Variants in IL18RAP observed in about 807,000 individuals in gnomAD.
The protein encoded by IL18RAP is interleukin 18 receptor accessory protein.
Under a neutral mutation model 58.1 loss-of-function variants are expected in IL18RAP, and 37 were observed. The observed-to-expected ratio is 0.64, with a 90% confidence interval of 0.49 to 0.84. The LOEUF is 0.84. IL18RAP is among the 40% of genes least tolerant of loss of function. IL18RAP has a pLI of 0.00. For missense variants in IL18RAP, 667 were observed against 704.8 expected, an observed-to-expected ratio of 0.95 and a Z score of 0.61; for synonymous variants, 268 against 257.5, an observed-to-expected ratio of 1.04 and a Z score of -0.39.
At chr2:102,449,787 G>A (rs1360895836) in intron 8 of IL18RAP, among the ~76,000 whole-genome samples, 1 of 152,114 alleles carries the variant, frequency 6.6e-6, no homozygotes, top group East Asian at 1.9e-4. Flanking sequence ...GGAAGGAATA[G>A]AGGCAACTGT....
chr2:102,430,243 T>A (rs1166865102), intron 3 of IL18RAP, among the ~76,000 whole-genome samples: 1 of 152,094 alleles, frequency 6.6e-6, no homozygotes, highest in Non-Finnish European at 1.5e-5. Flanking sequence ...GCTCTAATGT[T>A]GGGTGCCTAT....
intron 7 of IL18RAP, among the ~76,000 whole-genome samples, chr2:102,446,041 A>G (rs1181697381): frequency 6.6e-6 from 1 of 152,230 alleles, no homozygotes; most frequent in Non-Finnish European, 1.5e-5. Flanking sequence ...GGGAGTATGC[A>G]GGAGATCCCT....
chr2:102,433,718 G>A (rs1465617141), intron 3 of IL18RAP, among the ~76,000 whole-genome samples: 1 of 151,762 alleles, frequency 6.6e-6, no homozygotes, highest in Non-Finnish European at 1.5e-5. Flanking sequence ...GCTAATTTTT[G>A]TATTTTTAGC....
chr2:102,430,053 T>G (rs756623939), intron 3 of IL18RAP, among the ~76,000 whole-genome samples: 5 of 152,008 alleles, frequency 3.3e-5, no homozygotes, highest in Non-Finnish European at 7.4e-5. Context: ...TTGGATAGAA[T>G]GTTCTGTATA....
rs767642642 is a variant in IL18RAP, at chr2:102,441,395, G to A, written c.796+18G>A. On this transcript the variant is annotated intron_variant, in intron 5 of 9. Coordinates refer to ENST00000687160, the MANE Select transcript of IL18RAP (RefSeq NM_001393487.1). ...AGAACTTGGTAAGCTGGGCCTCATC[G>A]CCTTTGAATGACATCGTGCTGCTGG... The A allele has an allele frequency of 2.2e-5, 35 of 1,599,014 alleles. No individual in the cohort carries two copies. Among genetic ancestry groups the A allele is most frequent in the African/African-American group, 4.0e-5 (3 of 74,568 alleles).
intron 3 of IL18RAP, 104 bp from the exon 4 acceptor site, chr2:102,437,108 A>G: frequency 9.8e-7 from 1 of 1,018,540 alleles, no homozygotes. Flanking sequence ...TCTCAGATTG[A>G]CCTTCTTCCT....
chr2:102,424,098 A>G lies in IL18RAP; in HGVS notation c.358A>G (p.Asn120Asp). 1 of 1,613,592 alleles carries G rather than the reference A, an allele frequency of 6.2e-7. No individual in the cohort carries two copies. Residue 120 changes from asparagine to aspartate, a missense_variant, in exon 2 of 10, where the codon AAT (asparagine) becomes GAT (aspartate). Asn to Asp is a conservative substitution (Grantham distance 23, BLOSUM62 1). Coordinates refer to ENST00000687160, the MANE Select transcript of IL18RAP (RefSeq NM_001393487.1). ...TCACTTTTTGACCCCAGGGGTGAAT[A>G]ATTCTGGGTCATATATTTGTAGACC... ...TLHFLTPGVNNSGSYICRPKM... is the reference protein window; with the variant it reads ...TLHFLTPGVNDSGSYICRPKM...
intron 3 of IL18RAP, among the ~76,000 whole-genome samples, chr2:102,430,260 A>G (rs1682247537): frequency 6.6e-6 from 1 of 152,074 alleles, no homozygotes; most frequent in Non-Finnish European, 1.5e-5. Flanking sequence ...CTATGTATCT[A>G]CAATTGTTAT....
In IL18RAP at chr2:102,452,188, C is replaced by A. The variant is rs566831881; in HGVS notation, c.*7C>A. 2.3e-5 allele frequency: 36 copies of A among 1,586,330 alleles called. No individual in the cohort carries two copies. Among genetic ancestry groups the A allele is most frequent in the Non-Finnish European group, 2.9e-5 (34 of 1,167,334 alleles). ...CCAGCCTAAGGAATGGTGAAATGAG[C>A]CCTGGAGCCCCCTCCAGTCCAGTCC... On this transcript the variant is annotated 3_prime_UTR_variant, in exon 10 of 10. Transcript: ENST00000687160.
At chr2:102,433,991 T>C (rs1467105221) in intron 3 of IL18RAP, 3 of 152,232 alleles carry the variant, frequency 2.0e-5, no homozygotes, top group Non-Finnish European at 2.9e-5. Flanking sequence ...TGTTTCTAAA[T>C]AGAGAATAAG....
At chr2:102,419,284 C>A (rs1681427295), upstream of IL18RAP, among the ~76,000 whole-genome samples, 1 of 152,182 alleles carries the variant, frequency 6.6e-6, no homozygotes, top group Non-Finnish European at 1.5e-5. Context: ...GCTTCATTTT[C>A]TGTTATCCCT....
At position 102,445,344 on chromosome 2, in the gene IL18RAP, A is replaced by C. The variant is rs992366518; in HGVS notation, c.1072+4A>C. Reference sequence around the variant, plus strand: ...CAACTGAAAGAAAAGAGAGGAGGTAAGCCCAGAAGGTTGCCCAGGAGGCAT... The same window carrying C: ...CAACTGAAAGAAAAGAGAGGAGGTACGCCCAGAAGGTTGCCCAGGAGGCAT... On this transcript the variant is annotated splice_donor_region_variant and intron_variant, in intron 7 of 9. Coordinates refer to ENST00000687160, the MANE Select transcript of IL18RAP (RefSeq NM_001393487.1). The C allele has an allele frequency of 1.9e-6, 3 of 1,613,814 alleles. No individual in the cohort carries two copies. The African/African-American group carries it at 4.0e-5, about 22-fold the overall frequency.
upstream of IL18RAP, among the ~76,000 whole-genome samples, chr2:102,420,135 A>G (rs1681478934): frequency 6.6e-6 from 1 of 152,198 alleles, no homozygotes; most frequent in Non-Finnish European, 1.5e-5. Context: ...TCCCACATAA[A>G]TGAGACTTCC....
At chr2:102,450,819 A>C (rs1435411427) in intron 8 of IL18RAP, 29 bp from the exon 9 acceptor site, 10 of 1,465,700 alleles carry the variant, frequency 6.8e-6, no homozygotes, top group Non-Finnish European at 9.3e-6. Flanking sequence ...TAAATGACTT[A>C]TGTTTTTATA....
Position 102,424,360 on chromosome 2 carries a change from C to T in IL18RAP, c.525C>T (p.Cys175=). 1.2e-6 allele frequency: 2 copies of T among 1,614,012 alleles called. No homozygotes were observed. Among genetic ancestry groups the T allele is most frequent in the Non-Finnish European group, 1.7e-6 (2 of 1,179,932 alleles). ...TTGGGAGCACTGGCTCTATTTCTTGCCCCAGTCTCAGCTGCCAAAGTGATG... is the reference window on the plus strand; with the variant it reads ...TTGGGAGCACTGGCTCTATTTCTTGTCCCAGTCTCAGCTGCCAAAGTGATG... ...LLLGSTGSIS[C]PSLSCQSDAQ... Residue 175 remains cysteine (C), a synonymous_variant, in exon 3 of 10, where the codon TGC becomes TGT. Transcript: ENST00000687160.
chr2:102,421,229 C>T (rs1681556507), upstream of IL18RAP, among the ~76,000 whole-genome samples: 1 of 152,024 alleles, frequency 6.6e-6, no homozygotes, highest in African/African-American at 2.4e-5. Context: ...TGTGCTAAGA[C>T]AAAAGTCATT....
rs761746444 is a variant in IL18RAP at position 102,441,394 on chromosome 2, C to T, written c.796+17C>T. The T allele has an allele frequency of 1.7e-5, 27 of 1,604,096 alleles. No homozygotes were observed. Among genetic ancestry groups the T allele is most frequent in the Admixed American group, 5.0e-5 (3 of 59,934 alleles). On this transcript the variant is annotated intron_variant, in intron 5 of 9. Coordinates refer to ENST00000687160, the MANE Select transcript of IL18RAP (RefSeq NM_001393487.1). ...TAGAACTTGGTAAGCTGGGCCTCAT[C>T]GCCTTTGAATGACATCGTGCTGCTG...
Position 102,445,329 on chromosome 2 carries a change from A to G in IL18RAP, c.1061A>G (p.Glu354Gly), listed in dbSNP as rs938024108. Residue 354 changes from glutamate (E) to glycine (G), a missense_variant, in exon 7 of 10, where the codon GAA (glutamate) becomes GGA (glycine). Glu to Gly is a moderately conservative substitution (Grantham distance 98). Coordinates refer to ENST00000687160, the MANE Select transcript of IL18RAP (RefSeq NM_001393487.1). ...ACAACCCAGTCCGTCCAACTGAAAGAAAAGAGAGGAGGTAAGCCCAGAAGG... is the reference window on the plus strand; with the variant it reads ...ACAACCCAGTCCGTCCAACTGAAAGGAAAGAGAGGAGGTAAGCCCAGAAGG... ...GNTTQSVQLK[E>G]KRGVVLLYIL... 1 of 1,614,206 alleles carries G rather than the reference A, an allele frequency of 6.2e-7. No individual in the cohort carries two copies. The highest frequency in any genetic ancestry group is 2.2e-5 in the East Asian group (1 of 44,884).
At chr2:102,445,860 A>T (rs1274537818) in intron 7 of IL18RAP, among the ~76,000 whole-genome samples, 1 of 152,216 alleles carries the variant, frequency 6.6e-6, no homozygotes, top group Admixed American at 6.5e-5. Flanking sequence ...AGGTAAGGAA[A>T]AGCGTTTAAA....
Sources: allele counts gnomAD v4.1 joint callset (sites outside exome capture counted in the v4.1 genomes callset), GRCh38; gene constraint gnomAD v4.1.1; transcripts MANE v1.5; gene names NCBI Gene and HGNC (gene_info 2026-07-23, HGNC 2026-07-21).